The following ZBED6 variants were observed in gnomAD, a reference collection of about 807,000 sequenced individuals.
ZBED6 encodes zinc finger BED-type containing 6, also known as zinc finger BED domain-containing protein 6.
A neutral mutation model predicts 58.4 loss-of-function variants in ZBED6; 40 were observed. The ratio of observed to expected loss-of-function variants is 0.68; its 90% confidence interval spans 0.53 to 0.89. The LOEUF (loss-of-function observed/expected upper bound fraction) is 0.89, where lower values mean the gene tolerates loss of function less well. ZBED6 is among the 40% of genes least tolerant of loss of function. The pLI, the probability that ZBED6 is intolerant of heterozygous loss-of-function variation, is 0.00. For missense variants in ZBED6, 1,057 were observed against 1,003.9 expected, an observed-to-expected ratio of 1.05 and a Z score of -0.71; for synonymous variants, 439 against 350.6, an observed-to-expected ratio of 1.25 and a Z score of -2.82.
At position 203,815,758 on chromosome 1, in the gene ZBED6, T is replaced by C. The variant is rs548154057; in HGVS notation, c.*2555-1168T>C. On this transcript the variant is annotated intron_variant, in intron 1 of 16. Transcript: ENST00000550078. ...CATTAGGAATTATTAGTGGGAGATA[T>C]GACTGAATTTGATTTAATTGATTTC... Among the ~76,000 whole-genome samples, 32 of 152,282 alleles carry C rather than the reference T, an allele frequency of 2.1e-4. 1 individual carries two copies. Among genetic ancestry groups the C allele is most frequent in the Admixed American group, 3.9e-4 (6 of 15,288 alleles).
intron 9 of ZBED6, among the ~76,000 whole-genome samples, chr1:203,834,352 A>G (rs747325923): frequency 3.9e-5 from 6 of 152,086 alleles, no homozygotes; most frequent in Non-Finnish European, 7.4e-5. Flanking sequence ...GCTCACTGCA[A>G]CCTCCACCTC....
In ZBED6 at chr1:203,825,421, G is replaced by A. The variant is rs572353157; in HGVS notation, c.*2874-2878G>A. Among the ~76,000 whole-genome samples the A allele has an allele frequency of 1.1e-3, 152 of 142,478 alleles. 1 individual carries two copies. Among genetic ancestry groups the A allele is most frequent in the African/African-American group, 3.8e-3 (147 of 38,762 alleles). The allele number at this position is 142,478 out of a possible 152,430, so 93.5% of individuals were successfully genotyped here. ...ATAATTATGTAGGAGAAATATTACT[G>A]TGGAGGATTTTTTTTTTTTTTTTTT... On this transcript the variant is annotated intron_variant, in intron 3 of 16. Transcript: ENST00000550078.
chr1:203,834,659 T>C (rs941411232), intron 9 of ZBED6, among the ~76,000 whole-genome samples: 3 of 152,114 alleles, frequency 2.0e-5, no homozygotes, highest in African/African-American at 7.2e-5. Flanking sequence ...AAATTATTAT[T>C]ATCATTTGAA....
At chr1:203,842,835 T>A (rs938441340) in intron 11 of ZBED6, among the ~76,000 whole-genome samples, 8 of 151,676 alleles carry the variant, frequency 5.3e-5, no homozygotes, top group Non-Finnish European at 1.0e-4. Context: ...ATTTTTAAAT[T>A]TTTTAAATTA....
exon 1 of ZBED6, chr1:203,797,370 TAAC>T: frequency 2.9e-6 from 2 of 688,618 alleles, no homozygotes; most frequent in South Asian, 2.6e-5. Flanking sequence ...CCTCCAAAAA[TAAC>T]CTGGCTTGGA....
intron 10 of ZBED6, 41 bp downstream of exon 10, chr1:203,838,105 T>C (rs12078328): frequency 0.14 from 214,308 of 1,561,330 alleles, 15,558 homozygotes; most frequent in Non-Finnish European, 0.15. Flanking sequence ...TATGTAATTA[T>C]GACACTTGTG....
chr1:203,818,782 T>C (rs1677216351), intron 3 of ZBED6, 93 bp downstream of exon 3: 4 of 1,580,886 alleles, frequency 2.5e-6, no homozygotes, highest in Admixed American at 3.5e-5. Flanking sequence ...TTAAAAAATA[T>C]ATTAAGGCTG....
At chr1:203,824,802 G>A (rs908333298) in intron 3 of ZBED6, among the ~76,000 whole-genome samples, 7 of 152,090 alleles carry the variant, frequency 4.6e-5, no homozygotes, top group South Asian at 2.1e-4. Flanking sequence ...TTGTTAGGCC[G>A]GACACGGTGG....
chr1:203,798,714 GAAAC>G lies in ZBED6; in HGVS notation c.1195_1198del (p.Thr399HisfsTer11). ...CACTCTGATGCGTGCGCAGGAGAGA[GAAAC>G]AACATGTTGTGGAAATCCAGTCTCA... On this transcript the variant is annotated frameshift_variant, in exon 1 of 17. Transcript: ENST00000550078. LOFTEE classifies it high-confidence loss of function. 1 of 1,536,122 alleles carries G rather than the reference GAAAC, an allele frequency of 6.5e-7. No homozygotes were observed.
At chr1:203,849,360 C>T (rs547446459) in intron 13 of ZBED6, among the ~76,000 whole-genome samples, 23 of 152,118 alleles carry the variant, frequency 1.5e-4, no homozygotes, top group Non-Finnish European at 2.9e-4. Context: ...CTCCATTATA[C>T]AAATACAGTC....
At chr1:203,817,990 G>T (rs1676934298) in intron 2 of ZBED6, among the ~76,000 whole-genome samples, 1 of 151,900 alleles carries the variant, frequency 6.6e-6, no homozygotes, top group Non-Finnish European at 1.5e-5. Context: ...CTTGTGATCT[G>T]CCCGCCTCGG....
Position 203,798,704 on chromosome 1 carries a change from G to A in ZBED6, c.1182G>A (p.Ala394=), listed in dbSNP as rs762102398. ...CAGAGCAAGGCACTCTGATGCGTGC[G>A]CAGGAGAGAGAAACAACATGTTGTG... The change falls in exon 1 of 17, where the codon GCG becomes GCA. Residue 394 remains alanine (A), a synonymous_variant. Coordinates refer to ENST00000550078, the Ensembl canonical transcript of ZBED6. The A allele has an allele frequency of 3.1e-5, 48 of 1,535,976 alleles. No homozygotes were observed. The Middle Eastern group carries it at 6.7e-4, about 21-fold the overall frequency.
At chr1:203,827,601 G>T (rs1317476389) in intron 3 of ZBED6, among the ~76,000 whole-genome samples, 1 of 151,618 alleles carries the variant, frequency 6.6e-6, no homozygotes, top group East Asian at 1.9e-4. Flanking sequence ...AGAATGGCGT[G>T]AACCCGGGAG....
exon 10 of ZBED6, chr1:203,837,972 A>G (rs1171622005): frequency 6.2e-7 from 1 of 1,612,500 alleles, no homozygotes; most frequent in East Asian, 2.2e-5. Context: ...ATAGGCGGTG[A>G]CAGTGATCCT....
chr1:203,838,130 C>A, intron 10 of ZBED6, 66 bp downstream of exon 10: 1 of 1,434,438 alleles, frequency 7.0e-7, no homozygotes, highest in Non-Finnish European at 9.6e-7. Context: ...GTAATGCTAA[C>A]AGCTATGGTT....
intron 1 of ZBED6, among the ~76,000 whole-genome samples, chr1:203,810,329 A>G (rs747735280): frequency 1.3e-5 from 2 of 151,956 alleles, no homozygotes; most frequent in African/African-American, 2.4e-5. Context: ...TGAAAGTTAC[A>G]GAAGCTTAGT....
At chr1:203,810,735 G>A (rs1426229532) in intron 1 of ZBED6, among the ~76,000 whole-genome samples, 2 of 152,032 alleles carry the variant, frequency 1.3e-5, no homozygotes, top group East Asian at 1.9e-4. Flanking sequence ...TAGATCTGAC[G>A]AAGGAGTTTT....
intron 1 of ZBED6, chr1:203,805,515 T>C (rs550240379): frequency 5.0e-5 from 24 of 481,016 alleles, no homozygotes; most frequent in South Asian, 3.7e-4. Context: ...AATTAAACTT[T>C]CCTTCAAAGA....
intron 11 of ZBED6, among the ~76,000 whole-genome samples, chr1:203,846,250 CTT>C (rs1257665931): frequency 6.7e-6 from 1 of 150,232 alleles, no homozygotes; most frequent in Non-Finnish European, 1.5e-5. Context: ...AGCACTATCT[CTT>C]TTCATTATTT....
Sources: allele counts gnomAD v4.1 joint callset (sites outside exome capture counted in the v4.1 genomes callset), GRCh38; gene constraint gnomAD v4.1.1; transcripts MANE v1.5; gene names NCBI Gene and HGNC (gene_info 2026-07-23, HGNC 2026-07-21).